Variants in CSMD3 observed in about 807,000 individuals in gnomAD.
CSMD3 encodes the protein CUB and Sushi multiple domains 3.
In CSMD3, 177 loss-of-function variants were observed where a neutral mutation model predicts 435.2. The ratio of observed to expected loss-of-function variants is 0.41; its 90% CI spans 0.36 to 0.46. CSMD3 has a LOEUF of 0.46. Among genes scored for constraint, CSMD3 ranks in the 20% least tolerant of loss-of-function variants. The pLI, the probability that CSMD3 is intolerant of heterozygous loss-of-function variation, is 0.34. For missense variants in CSMD3, 4,265 were observed against 4,504.6 expected (o/e 0.95, Z 1.52); for synonymous variants, 1,656 against 1,520.5 (o/e 1.09, Z -2.07).
At chr8:112,516,552 A>G (rs1823691440) in intron 28 of CSMD3, among the ~76,000 whole-genome samples, 1 of 152,198 alleles carries the variant, frequency 6.6e-6, no homozygotes, top group African/African-American at 2.4e-5. Context: ...CAGGCGCTAC[A>G]GCTTCTTAGA....
intron 12 of CSMD3, among the ~76,000 whole-genome samples, chr8:112,819,728 A>C (rs2132427990): frequency 6.6e-6 from 1 of 152,318 alleles, no homozygotes. Context: ...ACTAGAAATC[A>C]CAGATTTTTC....
intron 27 of CSMD3, among the ~76,000 whole-genome samples, chr8:112,523,484 C>T (rs1824524737): frequency 6.6e-6 from 1 of 151,780 alleles, no homozygotes; most frequent in Non-Finnish European, 1.5e-5. Flanking sequence ...GGTCATGGGC[C>T]AAATTTGGTA....
intron 18 of CSMD3, among the ~76,000 whole-genome samples, chr8:112,653,308 G>A (rs2075175648): frequency 6.6e-6 from 1 of 151,904 alleles, no homozygotes; most frequent in African/African-American, 2.4e-5. Context: ...TTATGTTTCT[G>A]TTTCTACTAC....
At chr8:112,305,682 A>T (rs1348800783) in intron 51 of CSMD3, among the ~76,000 whole-genome samples, 1 of 152,158 alleles carries the variant, frequency 6.6e-6, no homozygotes, top group Non-Finnish European at 1.5e-5. Context: ...TTATTAACAC[A>T]GTCTTTAAAA....
chr8:112,628,651 C>A (rs1563786030), intron 22 of CSMD3, among the ~76,000 whole-genome samples: 1 of 152,108 alleles, frequency 6.6e-6, no homozygotes, highest in Non-Finnish European at 1.5e-5. Context: ...ATATTCATTT[C>A]TTTATCAACT....
At chr8:112,500,314 G>A (rs190067319) in intron 30 of CSMD3, among the ~76,000 whole-genome samples, 37 of 152,078 alleles carry the variant, frequency 2.4e-4, no homozygotes, top group Admixed American at 5.9e-4. Flanking sequence ...TGAATGAAAG[G>A]AACTAGTTTT....
intron 1 of CSMD3, among the ~76,000 whole-genome samples, chr8:113,327,477 C>T (rs1428224096): frequency 1.3e-5 from 2 of 151,942 alleles, no homozygotes; most frequent in South Asian, 2.1e-4. Context: ...CTAATAATGG[C>T]ATGGAATATA....
intron 4 of CSMD3, among the ~76,000 whole-genome samples, chr8:113,162,989 A>G (rs2131841387): frequency 6.6e-6 from 1 of 152,236 alleles, no homozygotes; most frequent in East Asian, 1.9e-4. Flanking sequence ...ACTAGTATGT[A>G]ATTATTTATG....
chr8:113,398,095 CAGG>C (rs2094492746), intron 1 of CSMD3, among the ~76,000 whole-genome samples: 2 of 152,102 alleles, frequency 1.3e-5, no homozygotes, highest in South Asian at 4.1e-4. Context: ...TCTATTAATC[CAGG>C]AGTTGATATA....
chr8:113,420,813 G>C (rs1471148192), intron 1 of CSMD3, among the ~76,000 whole-genome samples: 1 of 151,914 alleles, frequency 6.6e-6, no homozygotes, highest in South Asian at 2.1e-4. Flanking sequence ...GCAGGGCTTG[G>C]TGTCAGGCAC....
At chr8:113,089,024 T>C (rs1380364579) in intron 5 of CSMD3, among the ~76,000 whole-genome samples, 1 of 152,100 alleles carries the variant, frequency 6.6e-6, no homozygotes, top group Non-Finnish European at 1.5e-5. Flanking sequence ...AGAATTTCTC[T>C]TTTTTTCGTG....
intron 9 of CSMD3, among the ~76,000 whole-genome samples, chr8:112,924,162 C>T (rs2082836064): frequency 1.3e-5 from 2 of 152,092 alleles, no homozygotes; most frequent in Non-Finnish European, 1.5e-5. Context: ...GGGTTTAAGA[C>T]AAGTGAATAC....
rs188575824 is a variant in CSMD3 at position 112,857,392 on chromosome 8, G to A, written c.1755+1753C>T. Among the ~76,000 whole-genome samples the A allele has an allele frequency of 8.7e-4, 132 of 151,838 alleles. 1 individual carries two copies. The highest frequency in any genetic ancestry group is 4.0e-4 in the Non-Finnish European group (27 of 67,734). On this transcript the variant is annotated intron_variant, in intron 11 of 70. Transcript: ENST00000297405. ...AACCTCTGAAACTTCAGGTAATTCT[G>A]TAATAATAATGATTTAAAGTTAGCA...
chr8:112,413,840 C>T (rs1811616669), intron 32 of CSMD3, among the ~76,000 whole-genome samples: 3 of 152,166 alleles, frequency 2.0e-5, no homozygotes, highest in South Asian at 4.1e-4. Context: ...TAGGCCCTGA[C>T]TATTTTACTT....
intron 3 of CSMD3, among the ~76,000 whole-genome samples, chr8:113,255,131 A>C (rs1242461512): frequency 6.6e-6 from 1 of 152,152 alleles, no homozygotes; most frequent in Non-Finnish European, 1.5e-5. Flanking sequence ...GACATGATAT[A>C]GTTTTTAGTG....
intron 5 of CSMD3, among the ~76,000 whole-genome samples, chr8:113,077,943 A>T: frequency 6.6e-6 from 1 of 152,334 alleles, no homozygotes; most frequent in Middle Eastern, 3.4e-3. Context: ...AAATTAAATC[A>T]AATTAAATTT....
At chr8:113,082,797 T>A (rs1343633574) in intron 5 of CSMD3, among the ~76,000 whole-genome samples, 1 of 151,762 alleles carries the variant, frequency 6.6e-6, no homozygotes, top group Admixed American at 6.6e-5. Flanking sequence ...AGAAATACAA[T>A]GAATAAAATT....
chr8:113,285,974 C>A (rs1271867971), intron 2 of CSMD3, among the ~76,000 whole-genome samples: 1 of 151,852 alleles, frequency 6.6e-6, no homozygotes, highest in Non-Finnish European at 1.5e-5. Context: ...TTGTCTATGG[C>A]AATTTTTTCA....
chr8:112,490,125 T>C (rs548596083), intron 31 of CSMD3, among the ~76,000 whole-genome samples: 1 of 152,286 alleles, frequency 6.6e-6, no homozygotes, highest in African/African-American at 2.4e-5. Context: ...CTCCCATATA[T>C]TTATATTCCA....
Sources: allele counts gnomAD v4.1 joint callset (sites outside exome capture counted in the v4.1 genomes callset), GRCh38; gene constraint gnomAD v4.1.1; transcripts MANE v1.5; gene names NCBI Gene and HGNC (gene_info 2026-07-23, HGNC 2026-07-21).